The following TRPM3 variants were observed in gnomAD, a reference collection of about 807,000 sequenced individuals.
TRPM3 encodes long transient receptor potential channel 3.
Under a neutral mutation model 181.2 loss-of-function variants are expected in TRPM3, and 77 were observed. The observed-to-expected ratio is 0.42, with a 90% CI of 0.35 to 0.51. The LOEUF (loss-of-function observed/expected upper bound fraction) is 0.51, where lower values mean the gene tolerates loss of function less well. Ranked by LOEUF, TRPM3 falls within the 20% of genes least tolerant of loss-of-function variation. The pLI is 0.01. For missense variants in TRPM3, 1,759 were observed against 2,196.7 expected, an observed-to-expected ratio of 0.80 and a Z score of 3.98; for synonymous variants, 745 against 796.4, an observed-to-expected ratio of 0.94 and a Z score of 1.09.
chr9:70,565,917 G>A (rs1414304283), intron 22 of TRPM3, among the ~76,000 whole-genome samples: 1 of 152,114 alleles, frequency 6.6e-6, no homozygotes, highest in Non-Finnish European at 1.5e-5. Flanking sequence ...TAGAAATAGT[G>A]TTAATAACAG....
chr9:71,355,459 T>C (rs1251740811), intron 1 of TRPM3, among the ~76,000 whole-genome samples: 8 of 152,068 alleles, frequency 5.3e-5, no homozygotes, highest in Admixed American at 5.2e-4. Flanking sequence ...GAGAGAGGCA[T>C]GGAACAGATA....
intron 1 of TRPM3, among the ~76,000 whole-genome samples, chr9:70,969,960 T>C (rs2097224724): frequency 6.6e-6 from 1 of 151,954 alleles, no homozygotes; most frequent in Non-Finnish European, 1.5e-5. Flanking sequence ...CTCGACACTA[T>C]ACAGCAAAAT....
At position 70,535,283 on chromosome 9, in the gene TRPM3, G is replaced by T. The variant is rs2041469747; in HGVS notation, c.*670C>A. On this transcript the variant is annotated 3_prime_UTR_variant, in exon 26 of 26. Transcript: ENST00000677713. ...CTGTTCCCTTATTTTCTTCAAAAAA[G>T]GATAAACAGTTGTGGCACCAGAAGT... The T allele has an allele frequency of 5.9e-6, 5 of 853,364 alleles. No individual in the cohort carries two copies. Among genetic ancestry groups the T allele is most frequent in the Admixed American group, 2.9e-5 (1 of 34,710 alleles). 52.9% of individuals were successfully genotyped at this position (853,364 alleles called of 1,614,324 possible). A position where few individuals can be genotyped will look rare whatever the true frequency, so the allele number is the denominator to read the frequency against.
intron 1 of TRPM3, among the ~76,000 whole-genome samples, chr9:71,180,114 G>C (rs2077316761): frequency 7.1e-6 from 1 of 140,510 alleles, no homozygotes; most frequent in South Asian, 2.3e-4. Context: ...GAATGGAATA[G>C]CACAATCTCA....
At chr9:71,280,074 A>G (rs1185385285) in intron 1 of TRPM3, among the ~76,000 whole-genome samples, 4 of 122,786 alleles carry the variant, frequency 3.3e-5, no homozygotes, top group Non-Finnish European at 3.5e-5. Context: ...GTGAAACTCC[A>G]TCTCAAAAAA....
intron 1 of TRPM3, among the ~76,000 whole-genome samples, chr9:71,361,975 C>A (rs546988310): frequency 6.6e-6 from 1 of 152,006 alleles, no homozygotes; most frequent in Admixed American, 6.6e-5. Context: ...ATGTTCTAGT[C>A]GAAGCCCCTT....
chr9:71,413,502 A>T (rs2093592455), intron 1 of TRPM3, among the ~76,000 whole-genome samples: 1 of 152,090 alleles, frequency 6.6e-6, no homozygotes, highest in African/African-American at 2.4e-5. Context: ...TATACCTTTA[A>T]CAAGTCTCAT....
chr9:70,794,272 C>T (rs1564326835), intron 6 of TRPM3, among the ~76,000 whole-genome samples: 1 of 152,054 alleles, frequency 6.6e-6, no homozygotes, highest in African/African-American at 2.4e-5. Flanking sequence ...AAAGGAGTCA[C>T]CTGTGTGGTT....
In TRPM3 at chr9:71,187,550, T is replaced by C. The variant is rs1405570077; in HGVS notation, c.183+259103A>G. On this transcript the variant is annotated intron_variant, in intron 1 of 24. Coordinates refer to the TRPM3 transcript ENST00000357533. Reference sequence around the variant, plus strand: ...TCTGGGAAAAACTGGGATAGGACAATTGGCATTAACAAAACTGGAAAACAA... The same window carrying C: ...TCTGGGAAAAACTGGGATAGGACAACTGGCATTAACAAAACTGGAAAACAA... Among the ~76,000 whole-genome samples the C allele has an allele frequency of 2.0e-5, 3 of 151,942 alleles. No homozygotes were observed. The Admixed American group carries it at 2.0e-4, about 10-fold the overall frequency.
chr9:70,548,152 C>T (rs528393668), intron 25 of TRPM3, among the ~76,000 whole-genome samples: 5 of 152,268 alleles, frequency 3.3e-5, no homozygotes, highest in South Asian at 2.1e-4. Flanking sequence ...GAACAATTTC[C>T]GGGGAACCAC....
At position 70,740,680 on chromosome 9, in the gene TRPM3, T is replaced by A. The variant is rs140951821; in HGVS notation, c.1272+20921A>T. Among the ~76,000 whole-genome samples the A allele has an allele frequency of 4.1e-4, 62 of 152,122 alleles. 1 individual carries two copies. The highest frequency in any genetic ancestry group is 2.3e-3 in the South Asian group (11 of 4,826). The stretch of plus-strand genomic sequence containing the variant: ...AGAACCCAGAAATAAAGCCAATTGA[T>A]CTTTAACAAAGCAAACAAAAGCATA... On this transcript the variant is annotated intron_variant, in intron 8 of 25. Transcript: ENST00000677713.
intron 1 of TRPM3, among the ~76,000 whole-genome samples, chr9:71,215,587 T>C (rs2079813960): frequency 6.6e-6 from 1 of 152,250 alleles, no homozygotes; most frequent in African/African-American, 2.4e-5. Flanking sequence ...AAATGTATTA[T>C]TGGATTACTA....
chr9:71,180,047 C>CTTT (rs1587812218), intron 1 of TRPM3, among the ~76,000 whole-genome samples: 1 of 86,552 alleles, frequency 1.2e-5, no homozygotes, highest in African/African-American at 4.1e-5. Flanking sequence ...ATCATACATC[C>CTTT]TTCTTTTTTT....
intron 22 of TRPM3, among the ~76,000 whole-genome samples, chr9:70,578,293 G>A (rs1184635328): frequency 2.8e-5 from 2 of 72,616 alleles, no homozygotes; most frequent in Non-Finnish European, 5.1e-5. Context: ...TGGTGCTTTT[G>A]TATCCAAAAA....
At chr9:71,434,737 C>T (rs1005364398) in intron 1 of TRPM3, among the ~76,000 whole-genome samples, 5 of 152,186 alleles carry the variant, frequency 3.3e-5, no homozygotes, top group African/African-American at 1.2e-4. Flanking sequence ...GGAGACCCAA[C>T]TTCTCACCTT....
chr9:71,125,361 A>G (rs1432981016), upstream of TRPM3, among the ~76,000 whole-genome samples: 1 of 152,116 alleles, frequency 6.6e-6, no homozygotes, highest in Non-Finnish European at 1.5e-5. Flanking sequence ...CTCCTCCTGC[A>G]ACAGGCCCCC....
At chr9:71,388,006 G>T (rs1396652296) in intron 1 of TRPM3, among the ~76,000 whole-genome samples, 1 of 152,076 alleles carries the variant, frequency 6.6e-6, no homozygotes, top group Non-Finnish European at 1.5e-5. Flanking sequence ...GGCAGCTCTG[G>T]TTCTAAGAAG....
chr9:71,336,999 A>G (rs2090604698), intron 1 of TRPM3, among the ~76,000 whole-genome samples: 1 of 152,142 alleles, frequency 6.6e-6, no homozygotes, highest in Non-Finnish European at 1.5e-5. Context: ...TGATAAAAAC[A>G]CTAGAAGAAA....
At chr9:71,280,629 A>C (rs7022575) in intron 1 of TRPM3, among the ~76,000 whole-genome samples, 42,208 of 152,170 alleles carry the variant, frequency 0.28, 6,154 homozygotes, top group Middle Eastern at 0.5. Flanking sequence ...TTGTTGAAGA[A>C]ACAGATTCAG....
Sources: allele counts gnomAD v4.1 joint callset (sites outside exome capture counted in the v4.1 genomes callset), GRCh38; gene constraint gnomAD v4.1.1; transcripts MANE v1.5; gene names NCBI Gene and HGNC (gene_info 2026-07-23, HGNC 2026-07-21).